MGAT4C: variants seen among roughly 807,000 people sequenced by gnomAD.
The protein encoded by MGAT4C is MGAT4 family member C, also known as alpha-1,3-mannosyl-glycoprotein 4-beta-N-acetylglucosaminyltransferase C.
A neutral mutation model predicts 40.1 loss-of-function variants in MGAT4C; 19 were observed. The ratio of observed to expected loss-of-function variants is 0.47; its 90% CI spans 0.33 to 0.70. The LOEUF (loss-of-function observed/expected upper bound fraction) is 0.70, where lower values mean the gene tolerates loss of function less well. MGAT4C is among the 30% of genes least tolerant of loss of function. The pLI, the probability that MGAT4C is intolerant of heterozygous loss-of-function variation, is 0.02. For synonymous variants in MGAT4C, 181 were observed against 187.1 expected (o/e 0.97, Z 0.27); for missense variants, 491 against 563.2 (o/e 0.87, Z 1.30).
chr12:86,262,016 C>A (rs1444217140), intron 4 of MGAT4C, among the ~76,000 whole-genome samples: 3 of 152,082 alleles, frequency 2.0e-5, no homozygotes, highest in African/African-American at 4.8e-5. Context: ...ATAACTCCCA[C>A]ATGCTTAGCG....
intron 4 of MGAT4C, among the ~76,000 whole-genome samples, chr12:86,304,899 A>C (rs1028714697): frequency 6.6e-6 from 1 of 150,658 alleles, no homozygotes; most frequent in African/African-American, 2.5e-5. Flanking sequence ...GTTCTCCTCT[A>C]CAGGTTTCAA....
chr12:86,616,914 C>A (rs1002621808), intron 2 of MGAT4C, among the ~76,000 whole-genome samples: 42 of 151,920 alleles, frequency 2.8e-4, no homozygotes, highest in African/African-American at 9.9e-4. Flanking sequence ...TTTAGTCCAC[C>A]TACACAAATC....
At chr12:86,621,777 T>C (rs1962645934) in intron 2 of MGAT4C, among the ~76,000 whole-genome samples, 4 of 152,218 alleles carry the variant, frequency 2.6e-5, no homozygotes, top group African/African-American at 7.2e-5. Context: ...TGTGCCCAGC[T>C]GCAACTAAGT....
rs535866312 is a variant in MGAT4C, at chr12:86,074,970, C to T, written c.-56-25247G>A. On this transcript the variant is annotated intron_variant, in intron 1 of 4. Coordinates refer to ENST00000611864, the MANE Select transcript of MGAT4C (RefSeq NM_001351288.2). The stretch of plus-strand genomic sequence containing the variant: ...GGGTGGGGACACAGCCAAACCATAT[C>T]GTTGTGCCCCTGGCCCCTCCCAAAT... Among the ~76,000 whole-genome samples, 27 of 152,182 alleles carry T rather than the reference C, an allele frequency of 1.8e-4. No individual in the cohort carries two copies. The South Asian group carries it at 4.2e-3, about 23-fold the overall frequency.
At chr12:86,692,665 T>G (rs1015432554) in intron 2 of MGAT4C, among the ~76,000 whole-genome samples, 1 of 152,166 alleles carries the variant, frequency 6.6e-6, no homozygotes, top group Admixed American at 6.5e-5. Flanking sequence ...GATTTACTAT[T>G]AAGCCACAAT....
intron 1 of MGAT4C, among the ~76,000 whole-genome samples, chr12:86,735,500 A>G (rs2136124377): frequency 6.6e-6 from 1 of 152,072 alleles, no homozygotes; most frequent in African/African-American, 2.4e-5. Flanking sequence ...AGCACAAGGA[A>G]GCAAGGGAGA....
intron 2 of MGAT4C, among the ~76,000 whole-genome samples, chr12:86,461,878 T>C (rs185013677): frequency 6.6e-6 from 1 of 152,346 alleles, no homozygotes; most frequent in Non-Finnish European, 1.5e-5. Context: ...AATAAGGTCA[T>C]ATAGCATGAA....
intron 2 of MGAT4C, among the ~76,000 whole-genome samples, chr12:86,640,550 C>T (rs1008212212): frequency 5.3e-5 from 8 of 151,962 alleles, no homozygotes; most frequent in African/African-American, 1.9e-4. Flanking sequence ...TTTCAAAAAA[C>T]CAGCTCCTGG....
At chr12:86,790,789 G>A (rs2136192608) in intron 1 of MGAT4C, among the ~76,000 whole-genome samples, 1 of 152,204 alleles carries the variant, frequency 6.6e-6, no homozygotes, top group East Asian at 1.9e-4. Context: ...CAATGTTAAT[G>A]TTCAAATTTT....
intron 2 of MGAT4C, among the ~76,000 whole-genome samples, chr12:86,502,283 AT>A (rs1262135619): frequency 6.6e-6 from 1 of 152,114 alleles, no homozygotes; most frequent in Non-Finnish European, 1.5e-5. Context: ...ACTCTGTGAC[AT>A]TTTGGAAAGG....
rs147543669 is a variant in MGAT4C at position 86,002,702 on chromosome 12, T to G, written c.-6-13150A>C. ...ATACATATATCCCATTCTATATATATAGAATATATATTACATATATGTATG... is the reference window on the plus strand; with the variant it reads ...ATACATATATCCCATTCTATATATAGAGAATATATATTACATATATGTATG... On this transcript the variant is annotated intron_variant, in intron 2 of 4. Transcript: ENST00000611864. Among the ~76,000 whole-genome samples, 631 of 149,340 alleles carry G rather than the reference T, an allele frequency of 4.2e-3. 4 individuals are homozygous for G. Among genetic ancestry groups the G allele is most frequent in the African/African-American group, 0.015 (608 of 40,990 alleles).
intron 1 of MGAT4C, among the ~76,000 whole-genome samples, chr12:86,824,506 A>G (rs1952765209): frequency 6.6e-6 from 1 of 151,344 alleles, no homozygotes; most frequent in South Asian, 2.1e-4. Flanking sequence ...TATAGGGCTT[A>G]GTGCTATCTG....
chr12:86,769,598 A>G (rs975636388), intron 1 of MGAT4C, among the ~76,000 whole-genome samples: 1 of 152,214 alleles, frequency 6.6e-6, no homozygotes, highest in African/African-American at 2.4e-5. Context: ...CACAATAGCA[A>G]AGACTTGGAA....
At chr12:86,169,756 GT>G (rs1485060620) in intron 1 of MGAT4C, among the ~76,000 whole-genome samples, 2 of 152,072 alleles carry the variant, frequency 1.3e-5, no homozygotes, top group African/African-American at 4.8e-5. Context: ...TTCTGATAGA[GT>G]TTCCTTTTAC....
intron 4 of MGAT4C, among the ~76,000 whole-genome samples, chr12:86,321,215 CAATT>C (rs978640456): frequency 9.2e-5 from 14 of 151,886 alleles, no homozygotes; most frequent in Non-Finnish European, 1.9e-4. Context: ...AAAAATTTGA[CAATT>C]AAGAGAAAAA....
intron 1 of MGAT4C, among the ~76,000 whole-genome samples, chr12:86,057,175 T>C (rs960242207): frequency 6.6e-6 from 1 of 152,092 alleles, no homozygotes; most frequent in African/African-American, 2.4e-5. Context: ...CTTTTACTAA[T>C]TATTATTATT....
rs1955518677 is a variant in MGAT4C at position 86,363,117 on chromosome 12, T to C, written c.-119-28990A>G. Among the ~76,000 whole-genome samples the C allele has an allele frequency of 2.6e-5, 4 of 152,024 alleles. No homozygotes were observed. The South Asian group carries it at 6.2e-4, about 24-fold the overall frequency. ...AACTATACCTATTTATCTTAATTAA[T>C]AAAACAAGTACACAGAAAATAAGCC... is the stretch of plus-strand genomic sequence containing the variant. On this transcript the variant is annotated intron_variant, in intron 3 of 7. Coordinates refer to the MGAT4C transcript ENST00000548651.
chr12:86,582,430 C>A (rs753095267), intron 2 of MGAT4C, among the ~76,000 whole-genome samples: 44 of 151,138 alleles, frequency 2.9e-4, no homozygotes, highest in Non-Finnish European at 5.9e-4. Context: ...CTGTTTAGAG[C>A]CAATTTGTTT....
intron 2 of MGAT4C, among the ~76,000 whole-genome samples, chr12:86,439,338 C>T (rs1301917144): frequency 1.3e-5 from 2 of 151,868 alleles, no homozygotes; most frequent in Non-Finnish European, 2.9e-5. Flanking sequence ...CAAAACTATA[C>T]AAATACATGG....
Sources: allele counts gnomAD v4.1 joint callset (sites outside exome capture counted in the v4.1 genomes callset), GRCh38; gene constraint gnomAD v4.1.1; transcripts MANE v1.5; gene names NCBI Gene and HGNC (gene_info 2026-07-23, HGNC 2026-07-21).